The following VPS50 variants were observed in gnomAD, a reference collection of about 807,000 sequenced individuals.
VPS50 encodes VPS50 subunit of EARP/GARPII complex.
In VPS50, 70 loss-of-function variants were observed where a neutral mutation model predicts 139.7. The ratio of observed to expected loss-of-function variants is 0.50; its 90% confidence interval spans 0.41 to 0.61. The LOEUF (loss-of-function observed/expected upper bound fraction) is 0.61. Among genes scored for constraint, VPS50 ranks in the 20% least tolerant of loss-of-function variants. The pLI, the probability that VPS50 is intolerant of heterozygous loss-of-function variation, is 0.00. For missense variants in VPS50, 921 were observed against 1,133.7 expected, an observed-to-expected ratio of 0.81 and a Z score of 2.69; for synonymous variants, 365 against 376.7, an observed-to-expected ratio of 0.97 and a Z score of 0.36.
At chr7:93,286,528 TGTAA>T (rs1796491821) in intron 12 of VPS50, among the ~76,000 whole-genome samples, 1 of 152,166 alleles carries the variant, frequency 6.6e-6, no homozygotes, top group African/African-American at 2.4e-5. Context: ...GGCATGCGAC[TGTAA>T]GTTTGTGGAA....
rs1584452016 is a variant in VPS50 at position 93,307,246 on chromosome 7, G to A, written c.1629+1242G>A. Among the ~76,000 whole-genome samples the A allele has an allele frequency of 4.6e-5, 7 of 151,832 alleles. No individual in the cohort carries two copies. The South Asian group carries it at 8.3e-4, about 18-fold the overall frequency. On this transcript the variant is annotated intron_variant, in intron 18 of 27. Coordinates refer to ENST00000305866, the MANE Select transcript of VPS50 (RefSeq NM_017667.4). The stretch of plus-strand genomic sequence containing the variant: ...ATAATCTGAATTCATAGCCAACAAC[G>A]CTGTAACTCTTGCCTAAATGAAGCT...
intron 17 of VPS50, among the ~76,000 whole-genome samples, 169 bp from the exon 18 acceptor site, chr7:93,305,659 T>C (rs946989637): frequency 9.2e-5 from 14 of 151,942 alleles, no homozygotes; most frequent in African/African-American, 3.4e-4. Flanking sequence ...CCTTTAGATG[T>C]GTATTTCCAA....
intron 21 of VPS50, among the ~76,000 whole-genome samples, chr7:93,331,232 GTTT>G (rs769476910): frequency 7.4e-6 from 1 of 135,302 alleles, no homozygotes; most frequent in Admixed American, 7.5e-5. Flanking sequence ...CTGTAACAAG[GTTT>G]TTTTTTTTTT....
rs552870775 is a variant in VPS50, at chr7:93,238,318, G to C, written c.34-1548G>C. 8.6e-5 allele frequency among the ~76,000 whole-genome samples: 13 copies of C among 150,968 alleles called. No individual in the cohort carries two copies. The South Asian group carries it at 1.5e-3, about 17-fold the overall frequency. The stretch of plus-strand genomic sequence containing the variant: ...TAGGCCTTTTTTTTTTTTCCAGCGA[G>C]CATTCCTAGAAATTTTTTTGCAGTC... On this transcript the variant is annotated intron_variant, in intron 1 of 27. Transcript: ENST00000305866.
intron 21 of VPS50, among the ~76,000 whole-genome samples, chr7:93,325,754 C>T (rs1269828094): frequency 6.6e-6 from 1 of 151,544 alleles, no homozygotes; most frequent in Non-Finnish European, 1.5e-5. Context: ...GAGATACCAT[C>T]TCACACCAGT....
At chr7:93,252,283 G>A (rs1325949149) in intron 2 of VPS50, among the ~76,000 whole-genome samples, 2 of 152,060 alleles carry the variant, frequency 1.3e-5, no homozygotes, top group Non-Finnish European at 1.5e-5. Context: ...ATTATCTGTG[G>A]TGAGACAGAT....
At chr7:93,348,635 AAT>A in intron 23 of VPS50, 74 bp from the exon 24 acceptor site, 1 of 996,924 alleles carries the variant, frequency 1.0e-6, no homozygotes, top group Non-Finnish European at 1.5e-6. Flanking sequence ...AATGTTAAAA[AAT>A]ACTTATACGA....
At chr7:93,264,812 T>G (rs1795792111) in intron 9 of VPS50, among the ~76,000 whole-genome samples, 1 of 152,186 alleles carries the variant, frequency 6.6e-6, no homozygotes, top group Non-Finnish European at 1.5e-5. Flanking sequence ...AGCCCTGCCT[T>G]GAGTAATGTT....
chr7:93,349,639 C>A (rs1316719322), intron 24 of VPS50, among the ~76,000 whole-genome samples: 1 of 152,158 alleles, frequency 6.6e-6, no homozygotes, highest in African/African-American at 2.4e-5. Flanking sequence ...AGCTCTAGTT[C>A]TTTGACAGTT....
chr7:93,276,438 T>C, intron 12 of VPS50, 133 bp downstream of exon 12: 1 of 1,304,032 alleles, frequency 7.7e-7, no homozygotes, highest in Non-Finnish European at 9.9e-7. Context: ...ATTTTTTTTC[T>C]CCCAAGTTGT....
At chr7:93,355,357 G>A (rs555725457) in intron 26 of VPS50, among the ~76,000 whole-genome samples, 3 of 152,152 alleles carry the variant, frequency 2.0e-5, no homozygotes, top group African/African-American at 7.2e-5. Flanking sequence ...TAGAATATCA[G>A]AATAGGTCTA....
At chr7:93,279,323 C>A (rs1022322793) in intron 12 of VPS50, among the ~76,000 whole-genome samples, 2 of 152,032 alleles carry the variant, frequency 1.3e-5, no homozygotes, top group Non-Finnish European at 2.9e-5. Context: ...TTATTTATTA[C>A]CTAGTTTGAT....
chr7:93,258,343 T>G lies in VPS50; in HGVS notation c.541-14T>G. ...GGTTGAAACAGATTTTACCTTTGAT[T>G]TTTGTTTTTTCAGCAAAGAACAGAT... On this transcript the variant is annotated splice_polypyrimidine_tract_variant and intron_variant, in intron 7 of 27. Transcript: ENST00000305866. 1 of 1,612,418 alleles carries G rather than the reference T, an allele frequency of 6.2e-7. No homozygotes were observed. Among genetic ancestry groups the G allele is most frequent in the Non-Finnish European group, 8.5e-7 (1 of 1,178,834 alleles).
chr7:93,272,757 A>AT, intron 11 of VPS50, 24 bp downstream of exon 11: 1 of 1,091,240 alleles, frequency 9.2e-7, no homozygotes, highest in Non-Finnish European at 1.4e-6. Flanking sequence ...GGATGTTTGG[A>AT]TTTTTCCTTA....
intron 2 of VPS50, among the ~76,000 whole-genome samples, chr7:93,242,172 G>T (rs1795012480): frequency 6.6e-6 from 1 of 151,698 alleles, no homozygotes; most frequent in Non-Finnish European, 1.5e-5. Context: ...AATTTATTGA[G>T]TTTCTATGTG....
chr7:93,356,187 C>T, intron 27 of VPS50, 107 bp downstream of exon 27: 1 of 586,584 alleles, frequency 1.7e-6, no homozygotes, highest in Non-Finnish European at 2.8e-6. Flanking sequence ...TATAAAGAAA[C>T]ATTTGCTTTT....
At chr7:93,319,072 A>G (rs572168766) in intron 20 of VPS50, among the ~76,000 whole-genome samples, 46 of 152,286 alleles carry the variant, frequency 3.0e-4, no homozygotes, top group African/African-American at 1.1e-3. Context: ...TTTCTTTATC[A>G]CTGTATCATT....
chr7:93,271,186 A>G, intron 9 of VPS50, 34 bp from the exon 10 acceptor site: 1 of 1,558,004 alleles, frequency 6.4e-7, no homozygotes. Context: ...TTGTCTCAGA[A>G]ATAGAAAAAA....
chr7:93,326,464 T>A lies in VPS50; in HGVS notation c.1977+2732T>A, dbSNP rs557395331. 7.0e-3 allele frequency among the ~76,000 whole-genome samples: 959 copies of A among 136,738 alleles called. 3 individuals carry two copies. The highest frequency in any genetic ancestry group is 0.033 in the Middle Eastern group (9 of 276). The allele number at this position is 136,738 out of a possible 152,430, so 89.7% of individuals were successfully genotyped here. ...AAGTATAATAATAATAAAAAAAAAATAAAATAAAATAAAATAATACAGTAT... is the reference window on the plus strand; with the variant it reads ...AAGTATAATAATAATAAAAAAAAAAAAAAATAAAATAAAATAATACAGTAT... On this transcript the variant is annotated intron_variant, in intron 21 of 27. Coordinates refer to ENST00000305866, the MANE Select transcript of VPS50 (RefSeq NM_017667.4).
Sources: gnomAD v4.1 joint callset for allele counts (sites outside exome capture counted in the v4.1 genomes callset) on GRCh38, gnomAD v4.1.1 for gene constraint, MANE v1.5 for transcripts, NCBI Gene and HGNC (gene_info 2026-07-23, HGNC 2026-07-21) for gene names.